HUNK: variants seen among roughly 807,000 people sequenced by gnomAD.
HUNK encodes hormonally up-regulated Neu-associated kinase, also known as hormonally up-regulated neu tumor-associated kinase.
A neutral mutation model predicts 61.0 loss-of-function variants in HUNK; 21 were observed. The ratio of observed to expected loss-of-function variants is 0.34; its 90% confidence interval spans 0.24 to 0.50. The LOEUF is 0.50. Ranked by LOEUF, HUNK falls within the 20% of genes least tolerant of loss-of-function variation. HUNK has a pLI of 0.98. For synonymous variants in HUNK, 371 were observed against 386.1 expected, an observed-to-expected ratio of 0.96 and a Z score of 0.46; for missense variants, 772 against 945.7, an observed-to-expected ratio of 0.82 and a Z score of 2.41.
intron 2 of HUNK, among the ~76,000 whole-genome samples, chr21:31,930,346 T>C (rs1181555417): frequency 1.3e-5 from 2 of 152,234 alleles, no homozygotes; most frequent in Non-Finnish European, 2.9e-5. Context: ...GTCCATGTTC[T>C]CTGTAATTAC....
intron 8 of HUNK, among the ~76,000 whole-genome samples, chr21:31,986,455 G>C (rs192918387): frequency 1.1e-3 from 163 of 152,120 alleles, no homozygotes; most frequent in African/African-American, 3.6e-3. Context: ...TTGCTTCCGG[G>C]ATGGTGGCCC....
Position 32,002,000 on chromosome 21 carries a change from C to T in HUNK, c.*2816C>T, listed in dbSNP as rs2123268022. ...ATGACTGTGAAATACACTTTTCCCTCACTACGACTGCTTCTTTATTTGCTG... is the reference window on the plus strand; with the variant it reads ...ATGACTGTGAAATACACTTTTCCCTTACTACGACTGCTTCTTTATTTGCTG... On this transcript the variant is annotated 3_prime_UTR_variant, in exon 11 of 11. Transcript: ENST00000270112. 1 of 152,788 alleles carries T rather than the reference C, an allele frequency of 6.5e-6. No homozygotes were observed. Among genetic ancestry groups the T allele is most frequent in the African/African-American group, 2.4e-5 (1 of 41,590 alleles). 9.5% of individuals were successfully genotyped at this position (152,788 alleles called of 1,614,324 possible).
At chr21:31,966,713 C>T (rs2052969085) in intron 5 of HUNK, among the ~76,000 whole-genome samples, 1 of 152,138 alleles carries the variant, frequency 6.6e-6, no homozygotes, top group African/African-American at 2.4e-5. Flanking sequence ...GAAAGTAGGA[C>T]ATTTTATGGC....
intron 1 of HUNK, among the ~76,000 whole-genome samples, chr21:31,904,463 G>A (rs2052491026): frequency 6.6e-6 from 1 of 152,138 alleles, no homozygotes; most frequent in African/African-American, 2.4e-5. Context: ...AGATGCCAGC[G>A]ATAGGCTTAT....
rs761907272 is a variant in HUNK, at chr21:31,998,780, A to G, written c.1741A>G (p.Arg581Gly). The stretch of plus-strand genomic sequence containing the variant: ...AGTGCTGTCTCCCTCTCATCACTAC[A>G]GGATTCTGAACTCCCCGGTCAGCTT... ...VEVLSPSHHY[R>G]ILNSPVSLAR... The change falls in exon 11 of 11, where the codon AGG becomes GGG. Residue 581 changes from arginine to glycine, a missense_variant. Transcript: ENST00000270112. 11 of 1,614,114 alleles carry G rather than the reference A, an allele frequency of 6.8e-6. No individual in the cohort carries two copies. The highest frequency in any genetic ancestry group is 8.5e-6 in the Non-Finnish European group (10 of 1,180,012).
chr21:31,895,355 T>A (rs2052417774), intron 1 of HUNK, among the ~76,000 whole-genome samples: 1 of 152,192 alleles, frequency 6.6e-6, no homozygotes, highest in Non-Finnish European at 1.5e-5. Context: ...GACTCCAGTC[T>A]GCAAATTCGA....
intron 10 of HUNK, among the ~76,000 whole-genome samples, chr21:31,997,273 C>G (rs2053212314): frequency 6.6e-6 from 1 of 152,236 alleles, no homozygotes; most frequent in African/African-American, 2.4e-5. Context: ...AACCTGGATT[C>G]TAGTCTATGC....
chr21:31,876,801 CCTAT>C (rs1177098917), intron 1 of HUNK, among the ~76,000 whole-genome samples: 2 of 152,060 alleles, frequency 1.3e-5, no homozygotes, highest in African/African-American at 2.4e-5. Flanking sequence ...TTTCTCCTGT[CCTAT>C]CTATTTATTT....
chr21:31,990,240 T>C (rs2053162955), intron 9 of HUNK, 64 bp downstream of exon 9: 1 of 1,380,200 alleles, frequency 7.2e-7, no homozygotes, highest in Non-Finnish European at 1.0e-6. Flanking sequence ...CAATAGAGTA[T>C]GGAGAGAGAG....
chr21:31,901,323 A>G (rs1246940041), intron 1 of HUNK, among the ~76,000 whole-genome samples: 1 of 152,090 alleles, frequency 6.6e-6, no homozygotes, highest in Non-Finnish European at 1.5e-5. Flanking sequence ...GGGTAGAGAT[A>G]CACCCTCAGT....
chr21:31,889,994 T>C (rs1413358519), intron 1 of HUNK, among the ~76,000 whole-genome samples: 1 of 152,128 alleles, frequency 6.6e-6, no homozygotes, highest in African/African-American at 2.4e-5. Context: ...ATTTTAAAAA[T>C]AATATATTTT....
At chr21:31,965,349 G>A (rs1364964498) in intron 5 of HUNK, among the ~76,000 whole-genome samples, 1 of 151,620 alleles carries the variant, frequency 6.6e-6, no homozygotes, top group Admixed American at 6.6e-5. Context: ...AAACCTATTG[G>A]GTACCAGGAT....
intron 1 of HUNK, among the ~76,000 whole-genome samples, chr21:31,910,565 C>T (rs140718341): frequency 0.027 from 4,144 of 151,766 alleles, 100 homozygotes; most frequent in African/African-American, 0.055. Flanking sequence ...CTCGGCTCAC[C>T]GCAACCTCTG....
At chr21:31,932,776 T>C (rs537775686) in intron 2 of HUNK, among the ~76,000 whole-genome samples, 1 of 152,152 alleles carries the variant, frequency 6.6e-6, no homozygotes, top group Admixed American at 6.5e-5. Context: ...TCTGCTGAGC[T>C]CCCTGCTCCT....
chr21:31,923,135 G>A (rs2052633959), intron 1 of HUNK, among the ~76,000 whole-genome samples: 1 of 152,078 alleles, frequency 6.6e-6, no homozygotes, highest in Non-Finnish European at 1.5e-5. Context: ...ATTAGAGAGG[G>A]GAGTGAAGAA....
rs371844797 is a variant in HUNK, at chr21:31,946,219, C to G, written c.746+48C>G. ...GTCAGTGTTCCTCCTGCTGTCTCCA[C>G]CGTGCCTTCCTTATGAAATCATGCC... On this transcript the variant is annotated intron_variant, in intron 4 of 10. Transcript: ENST00000270112. 1.7e-4 allele frequency: 272 copies of G among 1,573,148 alleles called. 3 individuals carry two copies. The Admixed American group carries it at 4.3e-3, about 25-fold the overall frequency.
intron 8 of HUNK, among the ~76,000 whole-genome samples, chr21:31,985,448 G>A (rs1179475125): frequency 1.3e-5 from 2 of 152,238 alleles, no homozygotes; most frequent in African/African-American, 2.4e-5. Flanking sequence ...ACTGATGACA[G>A]GGAGTGCCCA....
At chr21:31,908,861 T>C (rs141486280) in intron 1 of HUNK, among the ~76,000 whole-genome samples, 1 of 152,264 alleles carries the variant, frequency 6.6e-6, no homozygotes, top group Non-Finnish European at 1.5e-5. Flanking sequence ...TTTAAGACCA[T>C]TGGGTGTTCA....
rs761496393 is a variant in HUNK at position 31,998,625 on chromosome 21, C to T, written c.1586C>T (p.Pro529Leu). 11 of 1,614,002 alleles carry T rather than the reference C, an allele frequency of 6.8e-6. No homozygotes were observed. Among genetic ancestry groups the T allele is most frequent in the Non-Finnish European group, 7.6e-6 (9 of 1,180,030 alleles). ...ATCCCCGTGCCACCGCCCAGGACCC[C>T]GAGGATTGTGAAGAAACCGGAGCCC... ...EFIPVPPPRT[P>L]RIVKKPEPHQ... Residue 529 changes from proline to leucine, a missense_variant, in exon 11 of 11, where the codon CCG (proline) becomes CTG (leucine). Physicochemically the swap from Pro to Leu is moderately conservative, Grantham distance 98 (BLOSUM62 -3). This residue lies in a region of HUNK where 413 missense variants were observed against 444.4 expected (regional missense o/e 0.93). Transcript: ENST00000270112.
Sources: allele counts gnomAD v4.1 joint callset (sites outside exome capture counted in the v4.1 genomes callset), GRCh38; gene constraint gnomAD v4.1.1; regional missense constraint gnomAD v4.1.1; transcripts MANE v1.5; gene names NCBI Gene and HGNC (gene_info 2026-07-23, HGNC 2026-07-21).